Variants in MYT1L observed in about 807,000 individuals in gnomAD.
MYT1L encodes myelin transcription factor 1 like, also known as myelin transcription factor 1-like protein.
A neutral mutation model predicts 126.7 loss-of-function variants in MYT1L; 12 were observed. The observed-to-expected ratio is 0.09, with a 90% CI of 0.06 to 0.15. The LOEUF is 0.15. Among genes scored for constraint, MYT1L ranks in the 10% least tolerant of loss-of-function variants. The pLI, the probability that MYT1L is intolerant of heterozygous loss-of-function variation, is 1.00. For missense variants in MYT1L, 979 were observed against 1,585.2 expected (o/e 0.62, Z 6.49); for synonymous variants, 541 against 604.2 (o/e 0.90, Z 1.53).
intron 9 of MYT1L, among the ~76,000 whole-genome samples, chr2:1,933,568 G>C (rs542268630): frequency 5.4e-4 from 83 of 152,328 alleles, no homozygotes; most frequent in Non-Finnish European, 1.1e-3. Flanking sequence ...TTTCTGAAGT[G>C]ATTTGCCTCA....
rs528069344 is a variant in MYT1L, at chr2:2,026,828, AC to A, written c.-158+27149del. ...GCATAGCCTTGTGCGGGGCCCCTCA[AC>A]ACCAGGAGGGCGGGTCTTGAGAAAA... On this transcript the variant is annotated intron_variant, in intron 4 of 24. Coordinates refer to ENST00000647738, the MANE Select transcript of MYT1L (RefSeq NM_001303052.2). Among the ~76,000 whole-genome samples, 27 of 152,060 alleles carry A rather than the reference AC, an allele frequency of 1.8e-4. No individual in the cohort carries two copies. The South Asian group carries it at 5.4e-3, about 30-fold the overall frequency.
At chr2:2,281,502 C>A (rs1255042289) in intron 2 of MYT1L, among the ~76,000 whole-genome samples, 1 of 152,150 alleles carries the variant, frequency 6.6e-6, no homozygotes, top group Admixed American at 6.5e-5. Context: ...TTGTAAAATT[C>A]TTCCCAACTA....
intron 2 of MYT1L, among the ~76,000 whole-genome samples, chr2:2,206,274 G>A (rs528065691): frequency 2.0e-5 from 3 of 152,110 alleles, no homozygotes; most frequent in East Asian, 1.9e-4. Flanking sequence ...CACCGTGCCC[G>A]GCCAAGCTGT....
At chr2:1,831,050 G>A (rs2040096462) in intron 21 of MYT1L, among the ~76,000 whole-genome samples, 3 of 152,188 alleles carry the variant, frequency 2.0e-5, no homozygotes, top group South Asian at 2.1e-4. Flanking sequence ...TTCCCTGTGT[G>A]TCCTTGGCAT....
intron 1 of MYT1L, chr2:2,306,304 G>A (rs1229631656): frequency 6.6e-6 from 1 of 152,150 alleles, no homozygotes. Flanking sequence ...AACTCAAGAG[G>A]CAGATGCACA....
chr2:1,810,567 A>G (rs1368521225), intron 21 of MYT1L, among the ~76,000 whole-genome samples: 1 of 152,212 alleles, frequency 6.6e-6, no homozygotes, highest in Non-Finnish European at 1.5e-5. Flanking sequence ...TTAGTGATAT[A>G]TCTAGAAACA....
chr2:2,031,245 C>G (rs1327958317), intron 4 of MYT1L, among the ~76,000 whole-genome samples: 1 of 152,218 alleles, frequency 6.6e-6, no homozygotes, highest in Non-Finnish European at 1.5e-5. Context: ...AAGCCACAGG[C>G]AAGCTTGCAT....
At chr2:2,039,816 G>GGGAAGGAGCCAGGAAGACTCTTCCACGT (rs1348568997) in intron 4 of MYT1L, among the ~76,000 whole-genome samples, 24 of 152,260 alleles carry the variant, frequency 1.6e-4, no homozygotes, top group African/African-American at 5.5e-4. Context: ...CATGACACTT[G>GGGAAGGAGCCAGGAAGACTCTTCCACGT]GGAAGGAGCC....
chr2:2,303,181 G>A lies in MYT1L; in HGVS notation c.-520-18678C>T, dbSNP rs117878684. Among the ~76,000 whole-genome samples, 118 of 152,266 alleles carry A rather than the reference G, an allele frequency of 7.7e-4. No homozygotes were observed. The East Asian group carries it at 0.021, about 27-fold the overall frequency. On this transcript the variant is annotated intron_variant, in intron 1 of 24. Coordinates refer to ENST00000647738, the MANE Select transcript of MYT1L (RefSeq NM_001303052.2). ...TGGCGATCACCTTCATCAACATAAT[G>A]TTCAGCATCACAGGTGGAGATGCAA...
At chr2:2,306,829 G>T (rs2095865544) in intron 1 of MYT1L, among the ~76,000 whole-genome samples, 1 of 152,148 alleles carries the variant, frequency 6.6e-6, no homozygotes, top group African/African-American at 2.4e-5. Context: ...ATACATCTAT[G>T]AAGAACAGTG....
At chr2:1,914,410 AC>A (rs1478071051) in intron 11 of MYT1L, among the ~76,000 whole-genome samples, 1 of 151,868 alleles carries the variant, frequency 6.6e-6, no homozygotes, top group Non-Finnish European at 1.5e-5. Context: ...GCGTCATCTT[AC>A]CATACATTCA....
intron 8 of MYT1L, among the ~76,000 whole-genome samples, chr2:1,959,147 A>G (rs1190398569): frequency 1.3e-5 from 2 of 152,186 alleles, no homozygotes; most frequent in Non-Finnish European, 2.9e-5. Flanking sequence ...CTGTGAAAAA[A>G]AACAAAATGA....
At chr2:1,876,977 A>G (rs1256476543) in intron 18 of MYT1L, among the ~76,000 whole-genome samples, 1 of 152,112 alleles carries the variant, frequency 6.6e-6, no homozygotes, top group African/African-American at 2.4e-5. Context: ...TCTCCTTATG[A>G]CCAGGGTCCC....
chr2:1,931,646 A>C (rs1356423369), intron 9 of MYT1L, among the ~76,000 whole-genome samples: 1 of 151,720 alleles, frequency 6.6e-6, no homozygotes, highest in Non-Finnish European at 1.5e-5. Context: ...ACTCCCAGCC[A>C]TTTTGTGTGT....
At chr2:2,073,677 A>C (rs1384768884) in intron 3 of MYT1L, among the ~76,000 whole-genome samples, 3 of 152,136 alleles carry the variant, frequency 2.0e-5, no homozygotes, top group African/African-American at 7.2e-5. Flanking sequence ...TGGACGTTGT[A>C]TGTCGGTGAC....
chr2:2,006,397 T>C (rs1169998088), intron 4 of MYT1L, among the ~76,000 whole-genome samples: 1 of 152,168 alleles, frequency 6.6e-6, no homozygotes, highest in Admixed American at 6.5e-5. Flanking sequence ...TCTACTTAGT[T>C]AGCAAAGCCT....
chr2:2,167,694 G>T (rs2089384917), intron 3 of MYT1L, among the ~76,000 whole-genome samples: 1 of 152,184 alleles, frequency 6.6e-6, no homozygotes, highest in East Asian at 1.9e-4. Flanking sequence ...CTTGGAGCCA[G>T]CCTGGGAGGT....
At chr2:1,949,413 C>T (rs1018504673) in intron 8 of MYT1L, among the ~76,000 whole-genome samples, 6 of 152,194 alleles carry the variant, frequency 3.9e-5, no homozygotes, top group Admixed American at 1.3e-4. Context: ...CTCCTGGGCC[C>T]ATGCGGATGC....
At chr2:2,316,384 G>A (rs1463859008) in intron 1 of MYT1L, among the ~76,000 whole-genome samples, 2 of 152,196 alleles carry the variant, frequency 1.3e-5, no homozygotes, top group East Asian at 3.8e-4. Flanking sequence ...GACATGGATT[G>A]TATAATAGAT....
Sources: allele counts gnomAD v4.1 joint callset (sites outside exome capture counted in the v4.1 genomes callset), GRCh38; gene constraint gnomAD v4.1.1; transcripts MANE v1.5; gene names NCBI Gene and HGNC (gene_info 2026-07-23, HGNC 2026-07-21).